Variants in ZFAT observed in about 807,000 individuals in gnomAD.
ZFAT encodes zinc finger protein ZFAT.
ZFAT carries 64 observed loss-of-function variants against 117.7 expected under a neutral mutation model. The observed-to-expected ratio is 0.54, with a 90% CI of 0.44 to 0.67. ZFAT has a LOEUF of 0.67. Among genes scored for constraint, ZFAT ranks in the 30% least tolerant of loss-of-function variants. The pLI is 0.00. For missense variants in ZFAT, 1,433 were observed against 1,584.5 expected (o/e 0.90, Z 1.62); for synonymous variants, 679 against 615.0 (o/e 1.10, Z -1.54).
chr8:134,832,293 T>C, the ZFAT span, among the ~76,000 whole-genome samples: 2 of 151,512 alleles, frequency 1.3e-5, no homozygotes, highest in South Asian at 2.1e-4. Flanking sequence ...TTCCCTCCAG[T>C]GTGTCTGAGG....
At position 134,702,172 on chromosome 8, in the gene ZFAT, T is replaced by C. The variant is rs1348558227; in HGVS notation, c.19+10673A>G. 4.6e-5 allele frequency among the ~76,000 whole-genome samples: 7 copies of C among 152,172 alleles called. No homozygotes were observed. The East Asian group carries it at 1.3e-3, about 29-fold the overall frequency. ...CCCCTTGACCTTGGCCTTCTCAGCC[T>C]CCAGAACTATAAGAAATAAATTCCT... On this transcript the variant is annotated intron_variant, in intron 1 of 15. Coordinates refer to ENST00000377838, the MANE Select transcript of ZFAT (RefSeq NM_020863.4).
chr8:134,488,050 T>A (rs1227372929), intron 15 of ZFAT, among the ~76,000 whole-genome samples: 1 of 151,454 alleles, frequency 6.6e-6, no homozygotes, highest in African/African-American at 2.4e-5. Context: ...TAAGAGAGAG[T>A]TAGAGAGCGA....
the ZFAT span, chr8:134,795,488 T>A: frequency 6.6e-6 from 1 of 152,202 alleles, no homozygotes; most frequent in African/African-American, 2.4e-5. Flanking sequence ...TGCATGTGTG[T>A]GCACAGGAGT....
Position 134,520,937 on chromosome 8 carries a change from C to T in ZFAT, c.3180G>A (p.Leu1060=). 1 of 1,613,910 alleles carries T rather than the reference C, an allele frequency of 6.2e-7. No individual in the cohort carries two copies. Among genetic ancestry groups the T allele is most frequent in the Non-Finnish European group, 8.5e-7 (1 of 1,179,852 alleles). The part of the protein sequence containing the change: ...YGTKWEFNRH[L]KNKHGLKVVE... Reference sequence around the variant, plus strand: ...CCACCTTCAAGCCATGTTTGTTCTTCAAGTGCCTATTGAACTCCCATTTGG... The same window carrying T: ...CCACCTTCAAGCCATGTTTGTTCTTTAAGTGCCTATTGAACTCCCATTTGG... Residue 1060 remains leucine, a synonymous_variant, in exon 13 of 16, where the codon TTG becomes TTA. Coordinates refer to ENST00000377838, the MANE Select transcript of ZFAT (RefSeq NM_020863.4).
chr8:134,679,187 C>A (rs983624586), intron 1 of ZFAT, among the ~76,000 whole-genome samples: 1 of 152,028 alleles, frequency 6.6e-6, no homozygotes, highest in Non-Finnish European at 1.5e-5. Flanking sequence ...TCAATCTATC[C>A]ATCCGAAAAA....
chr8:134,558,399 T>C (rs1475019946), intron 11 of ZFAT, among the ~76,000 whole-genome samples: 1 of 152,202 alleles, frequency 6.6e-6, no homozygotes, highest in Non-Finnish European at 1.5e-5. Context: ...TCAGTGTTCA[T>C]ATTTTTCAAA....
the ZFAT span, among the ~76,000 whole-genome samples, chr8:134,741,374 C>T: frequency 3.7e-3 from 563 of 152,320 alleles, no homozygotes; most frequent in African/African-American, 0.013. Context: ...GAACACTTCT[C>T]GGAGTTGGGA....
In ZFAT at chr8:134,668,019, C is replaced by G. The variant is rs551535408; in HGVS notation, c.20-10282G>C. ...AGAGCCTCACTCATTGCTAGCACGGCAGTCTGAGATCGAACTGCAAGGCGG... is the reference window on the plus strand; with the variant it reads ...AGAGCCTCACTCATTGCTAGCACGGGAGTCTGAGATCGAACTGCAAGGCGG... On this transcript the variant is annotated intron_variant, in intron 1 of 15. Transcript: ENST00000377838. 2.6e-5 allele frequency among the ~76,000 whole-genome samples: 4 copies of G among 152,264 alleles called. No homozygotes were observed. The South Asian group carries it at 6.2e-4, about 24-fold the overall frequency.
chr8:134,496,395 C>A (rs1265298610), intron 15 of ZFAT, among the ~76,000 whole-genome samples: 1 of 152,230 alleles, frequency 6.6e-6, no homozygotes, highest in Admixed American at 6.5e-5. Context: ...GCTGGGGTGA[C>A]TCCCATGAAA....
intron 10 of ZFAT, among the ~76,000 whole-genome samples, chr8:134,574,366 C>G (rs1304343664): frequency 6.6e-6 from 1 of 152,194 alleles, no homozygotes; most frequent in Admixed American, 6.5e-5. Flanking sequence ...GGCAGGCCAC[C>G]GTGGGATCTA....
chr8:134,741,294 TG>T, the ZFAT span, among the ~76,000 whole-genome samples: 1 of 152,070 alleles, frequency 6.6e-6, no homozygotes, highest in African/African-American at 2.4e-5. Flanking sequence ...TCCTCTCCTC[TG>T]GCTTCTGCTC....
chr8:134,493,970 C>A (rs1818243233), intron 15 of ZFAT, among the ~76,000 whole-genome samples: 2 of 152,108 alleles, frequency 1.3e-5, no homozygotes, highest in African/African-American at 2.4e-5. Context: ...GGCAGAGTTC[C>A]CCCCTCCTCA....
chr8:134,719,581 C>T, the ZFAT span, among the ~76,000 whole-genome samples: 1 of 152,116 alleles, frequency 6.6e-6, no homozygotes, highest in Non-Finnish European at 1.5e-5. Flanking sequence ...TAAAAGGGCA[C>T]TGGTGGGGAG....
At chr8:134,709,484 A>C (rs1456063892) in intron 1 of ZFAT, among the ~76,000 whole-genome samples, 1 of 152,198 alleles carries the variant, frequency 6.6e-6, no homozygotes, top group Non-Finnish European at 1.5e-5. Context: ...TAAATGTTCC[A>C]GCCCTTAAAG....
chr8:134,773,984 ATT>A, the ZFAT span, among the ~76,000 whole-genome samples: 42 of 103,294 alleles, frequency 4.1e-4, 1 homozygote, highest in African/African-American at 1.4e-3. Context: ...TTGAGGATTA[ATT>A]TTTTTTTTTT....
At chr8:134,635,612 A>T (rs1275095795) in intron 3 of ZFAT, among the ~76,000 whole-genome samples, 1 of 148,840 alleles carries the variant, frequency 6.7e-6, no homozygotes, top group African/African-American at 2.5e-5. Flanking sequence ...AGACAGAAAG[A>T]GAGACAGGGA....
At chr8:134,784,837 T>C in the ZFAT span, 4 of 152,196 alleles carry the variant, frequency 2.6e-5, no homozygotes, top group African/African-American at 9.7e-5. Flanking sequence ...AACAAAATAC[T>C]GTAGTTTTTT....
chr8:134,635,587 A>G (rs1229749410), intron 3 of ZFAT, among the ~76,000 whole-genome samples: 1 of 151,994 alleles, frequency 6.6e-6, no homozygotes, highest in Non-Finnish European at 1.5e-5. Flanking sequence ...GGGGGCATGC[A>G]TATGTATGCA....
chr8:134,640,853 G>A (rs959072882), intron 2 of ZFAT, among the ~76,000 whole-genome samples: 1 of 152,132 alleles, frequency 6.6e-6, no homozygotes, highest in Non-Finnish European at 1.5e-5. Context: ...GCATTTTATG[G>A]CAGAGCTGAG....
Sources: allele counts gnomAD v4.1 joint callset (sites outside exome capture counted in the v4.1 genomes callset), GRCh38; gene constraint gnomAD v4.1.1; transcripts MANE v1.5; gene names NCBI Gene and HGNC (gene_info 2026-07-23, HGNC 2026-07-21).